Variants in SLC8A3 observed in about 807,000 individuals in gnomAD.
The protein encoded by SLC8A3 is sodium/calcium exchanger 3.
A neutral mutation model predicts 65.4 loss-of-function variants in SLC8A3; 37 were observed. The ratio of observed to expected loss-of-function variants is 0.57; its 90% confidence interval spans 0.44 to 0.74. The LOEUF is 0.74. SLC8A3 is among the 30% of genes least tolerant of loss of function. The pLI is 0.00. For missense variants in SLC8A3, 1,112 were observed against 1,172.1 expected, an observed-to-expected ratio of 0.95 and a Z score of 0.75; for synonymous variants, 461 against 444.5, an observed-to-expected ratio of 1.04 and a Z score of -0.47.
At chr14:70,163,593 A>G (rs1388153441) in intron 2 of SLC8A3, among the ~76,000 whole-genome samples, 3 of 152,206 alleles carry the variant, frequency 2.0e-5, no homozygotes, top group Non-Finnish European at 4.4e-5. Context: ...CGGTTTCCAG[A>G]CTGGTGTGGC....
intron 2 of SLC8A3, among the ~76,000 whole-genome samples, chr14:70,106,032 C>T (rs960816374): frequency 6.6e-6 from 1 of 152,148 alleles, no homozygotes; most frequent in African/African-American, 2.4e-5. Context: ...TGACAAAATT[C>T]AAACTCATTC....
intron 2 of SLC8A3, among the ~76,000 whole-genome samples, chr14:70,147,863 A>T (rs976374658): frequency 6.6e-6 from 1 of 152,228 alleles, no homozygotes; most frequent in Non-Finnish European, 1.5e-5. Flanking sequence ...GTAATTAGTT[A>T]TGCAATAGAA....
At chr14:70,049,825 C>T (rs945820338) in intron 5 of SLC8A3, among the ~76,000 whole-genome samples, 5 of 152,156 alleles carry the variant, frequency 3.3e-5, no homozygotes, top group South Asian at 4.1e-4. Context: ...TTCCAGATCA[C>T]GAGAATATAC....
chr14:70,117,845 C>G (rs1893768924), intron 2 of SLC8A3, among the ~76,000 whole-genome samples: 1 of 152,218 alleles, frequency 6.6e-6, no homozygotes, highest in Admixed American at 6.5e-5. Context: ...GAGGCAGTCT[C>G]TACACCCTAC....
intron 2 of SLC8A3, among the ~76,000 whole-genome samples, chr14:70,159,902 G>T (rs192572142): frequency 6.6e-6 from 1 of 152,056 alleles, no homozygotes; most frequent in Non-Finnish European, 1.5e-5. Flanking sequence ...CATTCTCCCC[G>T]ATGTGCTCTC....
At chr14:70,053,261 G>T (rs1887702947) in intron 3 of SLC8A3, among the ~76,000 whole-genome samples, 1 of 152,172 alleles carries the variant, frequency 6.6e-6, no homozygotes. Flanking sequence ...ATGTCTTTCT[G>T]CATATGTCCA....
In SLC8A3 at chr14:70,119,765, A is replaced by G. The variant is rs76418996; in HGVS notation, c.1784+46874T>C. ...TTTTCATCTATACGTTAAAGAGGAC[A>G]ATAACCTCATAGGATTGTTGTGAAG... is the stretch of plus-strand genomic sequence containing the variant. On this transcript the variant is annotated intron_variant, in intron 2 of 6. Coordinates refer to ENST00000356921, the MANE Select transcript of SLC8A3 (RefSeq NM_182932.3). 1.6e-4 allele frequency among the ~76,000 whole-genome samples: 24 copies of G among 152,374 alleles called. No individual in the cohort carries two copies. The East Asian group carries it at 4.6e-3, about 29-fold the overall frequency.
chr14:70,166,814 C>T lies in SLC8A3; in HGVS notation c.1609G>A (p.Asp537Asn). 6.2e-7 allele frequency: 1 copy of T among 1,614,088 alleles called. No individual in the cohort carries two copies. Among genetic ancestry groups the T allele is most frequent in the Non-Finnish European group, 8.5e-7 (1 of 1,179,954 alleles). Reference protein sequence around the residue: ...DHAGIFTFECDTIHVSESIGV... With the variant: ...DHAGIFTFECNTIHVSESIGV... ...ATACTCTCACTGACATGAATAGTAT[C>T]ACATTCAAAAGTGAAGATGCCTGCA... is the stretch of plus-strand genomic sequence containing the variant. The change falls in exon 2 of 7, where the codon GAT becomes AAT. Residue 537 changes from aspartate to asparagine, a missense_variant. Asp to Asn is a conservative substitution (Grantham distance 23, BLOSUM62 1). Coordinates refer to ENST00000356921, the MANE Select transcript of SLC8A3 (RefSeq NM_182932.3).
At chr14:70,122,799 C>T (rs550499099) in intron 2 of SLC8A3, among the ~76,000 whole-genome samples, 17 of 152,214 alleles carry the variant, frequency 1.1e-4, no homozygotes, top group African/African-American at 2.4e-4. Context: ...GGGCCTGGCA[C>T]GGTGGCTCAC....
chr14:70,101,267 G>A (rs1412920702), intron 2 of SLC8A3, among the ~76,000 whole-genome samples: 1 of 152,168 alleles, frequency 6.6e-6, no homozygotes. Flanking sequence ...AGTATGTGAT[G>A]GGGGATGAAA....
Position 70,167,494 on chromosome 14 carries a change from T to A in SLC8A3, c.929A>T (p.Asp310Val). Residue 310 changes from aspartate (D) to valine (V), a missense_variant, in exon 2 of 7, where the codon GAT becomes GTT. Transcript: ENST00000356921. ...CCGGATCATCTCTCTGCGGGACTCA[T>A]CCACTTCCTTCCCTTCCAGGGGCAC... The part of the protein sequence containing the change: ...NLVPLEGKEV[D>V]ESRREMIRIL... 6.2e-7 allele frequency: 1 copy of A among 1,614,070 alleles called. No individual in the cohort carries two copies. The highest frequency in any genetic ancestry group is 1.6e-4 in the Middle Eastern group (1 of 6,062).
At chr14:70,169,667 G>A (rs1156492080) in intron 1 of SLC8A3, among the ~76,000 whole-genome samples, 5 of 112,296 alleles carry the variant, frequency 4.5e-5, no homozygotes, top group Non-Finnish European at 8.7e-5. Context: ...AAAATACCAT[G>A]GAATAGCTAA....
intron 1 of SLC8A3, among the ~76,000 whole-genome samples, chr14:70,182,935 G>A (rs573291680): frequency 1.7e-4 from 26 of 152,310 alleles, no homozygotes; most frequent in South Asian, 1.2e-3. Context: ...GTTTCTGTTC[G>A]TTTGTTTTTC....
chr14:70,096,695 TAAAC>T (rs1566777266), intron 2 of SLC8A3, among the ~76,000 whole-genome samples: 2 of 152,160 alleles, frequency 1.3e-5, no homozygotes, highest in Non-Finnish European at 2.9e-5. Flanking sequence ...TAAAGAATAA[TAAAC>T]AAATCCTCAA....
At chr14:70,101,460 G>A (rs1216449564) in intron 2 of SLC8A3, among the ~76,000 whole-genome samples, 1 of 152,122 alleles carries the variant, frequency 6.6e-6, no homozygotes, top group Non-Finnish European at 1.5e-5. Context: ...GGTGGATGAG[G>A]GACAAGGTGG....
chr14:70,159,416 AAAAAAAAACAAAAAAAACCCAAACAC>A (rs1896754150), intron 2 of SLC8A3, among the ~76,000 whole-genome samples: 1 of 151,436 alleles, frequency 6.6e-6, no homozygotes, highest in Non-Finnish European at 1.5e-5. Flanking sequence ...CTGTCAAAAA[AAAAAAAAACAAAAAAAACCCAAACAC>A]AAAACACTAA....
In SLC8A3 at chr14:70,099,189, C is replaced by T. The variant is rs148047398; in HGVS notation, c.1785-38250G>A. 4.1e-3 allele frequency among the ~76,000 whole-genome samples: 624 copies of T among 152,188 alleles called. 4 individuals carry two copies. Among genetic ancestry groups the T allele is most frequent in the African/African-American group, 0.014 (580 of 41,504 alleles). ...AGGAGGGTACATACTGGTTAAAAAG[C>T]GGGGTCAGCAAACTATGATTCACAG... On this transcript the variant is annotated intron_variant, in intron 2 of 6. Coordinates refer to ENST00000356921, the MANE Select transcript of SLC8A3 (RefSeq NM_182932.3).
chr14:70,158,608 G>T (rs74062816), intron 2 of SLC8A3, among the ~76,000 whole-genome samples: 2 of 152,134 alleles, frequency 1.3e-5, no homozygotes, highest in African/African-American at 2.4e-5. Flanking sequence ...CCCACCAAAA[G>T]GTAACTGAAT....
At chr14:70,179,831 T>C (rs1318691800) in intron 1 of SLC8A3, among the ~76,000 whole-genome samples, 1 of 152,250 alleles carries the variant, frequency 6.6e-6, no homozygotes, top group Non-Finnish European at 1.5e-5. Flanking sequence ...TTAATCCTTC[T>C]TATGAGGATG....
Sources: gnomAD v4.1 joint callset for allele counts (sites outside exome capture counted in the v4.1 genomes callset) on GRCh38, gnomAD v4.1.1 for gene constraint, MANE v1.5 for transcripts, NCBI Gene and HGNC (gene_info 2026-07-23, HGNC 2026-07-21) for gene names.